OR52N1: variants seen among roughly 807,000 people sequenced by gnomAD.
OR52N1 encodes olfactory receptor 52N1.
In OR52N1, 11 loss-of-function variants were observed where a neutral mutation model predicts 13.9. The ratio of observed to expected loss-of-function variants is 0.79; its 90% CI spans 0.50 to 1.31. OR52N1 has a LOEUF of 1.31. Among genes scored for constraint, OR52N1 ranks in the 40% most tolerant of loss-of-function variants. OR52N1 has a pLI of 0.00. For missense variants in OR52N1, 414 were observed against 397.7 expected, an observed-to-expected ratio of 1.04 and a Z score of -0.35; for synonymous variants, 142 against 143.7, an observed-to-expected ratio of 0.99 and a Z score of 0.08.
At chr11:5,788,942 T>G (rs948101053) in intron 1 of OR52N1, 82 bp from the exon 2 acceptor site, 16 of 1,017,522 alleles carry the variant, frequency 1.6e-5, no homozygotes, top group Non-Finnish European at 2.3e-5. Context: ...CTATTTTGTT[T>G]TCCTTGTAGA....
At position 5,788,363 on chromosome 11, in the gene OR52N1, G is replaced by C; in HGVS notation, c.454C>G (p.Leu152Val). 6.2e-7 allele frequency: 1 copy of C among 1,613,966 alleles called. No individual in the cohort carries two copies. The highest frequency in any genetic ancestry group is 8.5e-7 in the Non-Finnish European group (1 of 1,179,970). ...VIAKAGFLTF[L>V]RGVMLVIPST... ...GGGATAACAAGCATCACACCCCTAA[G>C]AAAAGTGAGGAACCCAGCTTTAGCA... Residue 152 changes from leucine to valine, a missense_variant, in exon 2 of 2, where the codon CTT (leucine) becomes GTT (valine). Physicochemically the swap from Leu to Val is conservative, Grantham distance 32. Transcript: ENST00000641645.
chr11:5,788,783 C>T lies in OR52N1; in HGVS notation c.34G>A (p.Ala12Thr). Residue 12 changes from alanine to threonine, a missense_variant, in exon 2 of 2, where the codon GCT becomes ACT. Coordinates refer to ENST00000641645, the MANE Select transcript of OR52N1 (RefSeq NM_001001913.2). ...GGGATGCCATTTAGGATGAATGAAG[C>T]TGGAGTTAGGCTGGTGCCATTTAGA... ...SFLNGTSLTP[A>T]SFILNGIPGL... The T allele has an allele frequency of 6.2e-7, 1 of 1,607,756 alleles. No individual in the cohort carries two copies. Among genetic ancestry groups the T allele is most frequent in the Non-Finnish European group, 8.5e-7 (1 of 1,179,584 alleles).
rs749468499 is a variant in OR52N1, at chr11:5,788,261, C to A, written c.556G>T (p.Val186Leu). 2.6e-5 allele frequency: 42 copies of A among 1,613,960 alleles called. No individual in the cohort carries two copies. The highest frequency in any genetic ancestry group is 3.4e-5 in the Non-Finnish European group (40 of 1,180,010). Reference sequence around the variant, plus strand: ...ACATTACCACAAGATATCTTGGCCACAGACATGTGGTCACAGTAGGTGTGG... The same window carrying A: ...ACATTACCACAAGATATCTTGGCCAAAGACATGTGGTCACAGTAGGTGTGG... ...IPHTYCDHMS[V>L]AKISCGNVRV... Residue 186 changes from valine (V) to leucine (L), a missense_variant, in exon 2 of 2, where the codon GTG becomes TTG. Coordinates refer to ENST00000641645, the MANE Select transcript of OR52N1 (RefSeq NM_001001913.2).
At chr11:5,789,006 G>A in intron 1 of OR52N1, 146 bp from the exon 2 acceptor site, 1 of 647,678 alleles carries the variant, frequency 1.5e-6, no homozygotes, top group Non-Finnish European at 2.6e-6. Context: ...ACACTGTCTG[G>A]GTGTGTGCCT....
rs764704251 is a variant in OR52N1 at position 5,788,294 on chromosome 11, C to T, written c.523G>A (p.Val175Ile). The T allele has an allele frequency of 1.1e-5, 18 of 1,613,880 alleles. No homozygotes were observed. Among genetic ancestry groups the T allele is most frequent in the Admixed American group, 6.7e-5 (4 of 59,960 alleles). Residue 175 changes from valine (V) to isoleucine (I), a missense_variant, in exon 2 of 2, where the codon GTC (valine) becomes ATC (isoleucine). Transcript: ENST00000641645. The stretch of plus-strand genomic sequence containing the variant: ...TGGTCACAGTAGGTGTGGGGTATGA[C>T]GTTGCCCTTGCAGTATGGAAGGCGC... ...TKRLPYCKGN[V>I]IPHTYCDHMS...
In OR52N1 at chr11:5,788,686, T is replaced by C; in HGVS notation, c.131A>G (p.Asn44Ser). ...GTAGATGAGGTACATAAGGCCGAAG[T>C]TCCCTGTAATAGCAATGCTGTACAT... is the stretch of plus-strand genomic sequence containing the variant. ...CTMYSIAITG[N>S]FGLMYLIYCD... The change falls in exon 2 of 2, where the codon AAC (asparagine) becomes AGC (serine). Residue 44 changes from asparagine (N) to serine (S), a missense_variant. Coordinates refer to ENST00000641645, the MANE Select transcript of OR52N1 (RefSeq NM_001001913.2). 1.2e-6 allele frequency: 2 copies of C among 1,613,940 alleles called. No homozygotes were observed. Among genetic ancestry groups the C allele is most frequent in the Non-Finnish European group, 1.7e-6 (2 of 1,179,926 alleles).
intron 1 of OR52N1, among the ~76,000 whole-genome samples, chr11:5,789,629 G>C (rs556496589): frequency 5.3e-5 from 8 of 152,022 alleles, no homozygotes; most frequent in Non-Finnish European, 1.2e-4. Context: ...AAAATAAATT[G>C]ACATTCCCTT....
chr11:5,788,784 T>C lies in OR52N1; in HGVS notation c.33A>G (p.Pro11=), dbSNP rs781051558. The C allele has an allele frequency of 8.1e-6, 13 of 1,607,814 alleles. No homozygotes were observed. The highest frequency in any genetic ancestry group is 4.4e-5 in the South Asian group (4 of 91,050). Residue 11 remains proline (P), a synonymous_variant, in exon 2 of 2, where the codon CCA becomes CCG. Coordinates refer to ENST00000641645, the MANE Select transcript of OR52N1 (RefSeq NM_001001913.2). Reference sequence around the variant, plus strand: ...GGATGCCATTTAGGATGAATGAAGCTGGAGTTAGGCTGGTGCCATTTAGAA... The same window carrying C: ...GGATGCCATTTAGGATGAATGAAGCCGGAGTTAGGCTGGTGCCATTTAGAA... MSFLNGTSLT[P]ASFILNGIPG...
At position 5,787,277 on chromosome 11, in the gene OR52N1, T is replaced by C. The variant is rs1854602935; in HGVS notation, c.*577A>G. ...TGAATAGACCACAATTATTTATTTA[T>C]GTTGTCTAATGTTGATGGACATTGG... On this transcript the variant is annotated 3_prime_UTR_variant, in exon 2 of 2. Coordinates refer to ENST00000641645, the MANE Select transcript of OR52N1 (RefSeq NM_001001913.2). The C allele has an allele frequency of 1.4e-5, 2 of 140,968 alleles. 1 individual carries two copies. Among genetic ancestry groups the C allele is most frequent in the Non-Finnish European group, 3.1e-5 (2 of 63,898 alleles). 8.7% of individuals were successfully genotyped at this position (140,968 alleles called of 1,614,324 possible). A position where few individuals can be genotyped will look rare whatever the true frequency, so the allele number is the denominator to read the frequency against.
rs1437606791 is a variant in OR52N1, at chr11:5,791,242, G to A, written c.-176C>T. The A allele has an allele frequency of 6.6e-6, 1 of 151,938 alleles. No homozygotes were observed. Among genetic ancestry groups the A allele is most frequent in the Non-Finnish European group, 1.5e-5 (1 of 67,870 alleles). The allele number at this position is 151,938 out of a possible 1,614,324, so 9.4% of individuals were successfully genotyped here. A position where few individuals can be genotyped will look rare whatever the true frequency, so the allele number is the denominator to read the frequency against. ...ACATTGAGACCTTGGGAGGCAAGTG[G>A]AGGAGGGAACATTTCTATTATCTGT... On this transcript the variant is annotated 5_prime_UTR_variant, in exon 1 of 2. Coordinates refer to ENST00000641645, the MANE Select transcript of OR52N1 (RefSeq NM_001001913.2).
At chr11:5,790,449 G>A (rs1854645318) in intron 1 of OR52N1, among the ~76,000 whole-genome samples, 1 of 152,004 alleles carries the variant, frequency 6.6e-6, no homozygotes, top group East Asian at 1.9e-4. Flanking sequence ...AGCTTTCACA[G>A]CCAGAGGGAA....
intron 1 of OR52N1, 54 bp downstream of exon 1, chr11:5,791,057 C>G (rs1166131177): frequency 6.6e-6 from 1 of 152,068 alleles, no homozygotes; most frequent in Non-Finnish European, 1.5e-5. Flanking sequence ...CCAAATCCTG[C>G]ACATGTAAGC....
In OR52N1 at chr11:5,788,295, G is replaced by T; in HGVS notation, c.522C>A (p.Asn174Lys). 1 of 1,614,020 alleles carries T rather than the reference G, an allele frequency of 6.2e-7. No individual in the cohort carries two copies. Among genetic ancestry groups the T allele is most frequent in the Admixed American group, 1.7e-5 (1 of 59,984 alleles). ...GGTCACAGTAGGTGTGGGGTATGAC[G>T]TTGCCCTTGCAGTATGGAAGGCGCT... The part of the protein sequence containing the change: ...LTKRLPYCKG[N>K]VIPHTYCDHM... The change falls in exon 2 of 2, where the codon AAC becomes AAA. Residue 174 changes from asparagine (N) to lysine (K), a missense_variant. By Grantham distance (94) the Asn-to-Lys change is moderately conservative (BLOSUM62 0). Coordinates refer to ENST00000641645, the MANE Select transcript of OR52N1 (RefSeq NM_001001913.2).
At position 5,788,635 on chromosome 11, in the gene OR52N1, A is replaced by G. The variant is rs748512030; in HGVS notation, c.182T>C (p.Met61Thr). 9.3e-6 allele frequency: 15 copies of G among 1,614,092 alleles called. No homozygotes were observed. The East Asian group carries it at 3.1e-4, about 34-fold the overall frequency. The stretch of plus-strand genomic sequence containing the variant: ...GGAAAGAAGGGCAAGGAAGACATAC[A>G]TAGGTCTGTGTAAGGCCTCATCACA... ...IYCDEALHRP[M>T]YVFLALLSFT... The change falls in exon 2 of 2, where the codon ATG (methionine) becomes ACG (threonine). Residue 61 changes from methionine (M) to threonine (T), a missense_variant. Coordinates refer to ENST00000641645, the MANE Select transcript of OR52N1 (RefSeq NM_001001913.2).
intron 1 of OR52N1, among the ~76,000 whole-genome samples, chr11:5,789,188 T>C (rs531339818): frequency 7.7e-4 from 118 of 152,316 alleles, no homozygotes; most frequent in Non-Finnish European, 1.2e-3. Context: ...GTGCTCACCA[T>C]CTTAGAGATC....
In OR52N1 at chr11:5,788,591, A is replaced by C. The variant is rs1056532818; in HGVS notation, c.226T>G (p.Cys76Gly). The C allele has an allele frequency of 5.6e-6, 9 of 1,613,866 alleles. No homozygotes were observed. The highest frequency in any genetic ancestry group is 7.6e-6 in the Non-Finnish European group (9 of 1,179,902). The part of the protein sequence containing the change: ...ALLSFTDVLM[C>G]TSTLPNTLFI... ...AGAGTGTTGGGAAGGGTGCTGGTGC[A>C]CATGAGCACATCTGTGAAGGAAAGA... The change falls in exon 2 of 2, where the codon TGC becomes GGC. Residue 76 changes from cysteine to glycine, a missense_variant. Cys to Gly is a radical substitution (Grantham distance 159). Transcript: ENST00000641645.
At chr11:5,791,000 C>A (rs1253499229) in intron 1 of OR52N1, 111 bp downstream of exon 1, 1 of 152,034 alleles carries the variant, frequency 6.6e-6, no homozygotes, top group African/African-American at 2.4e-5. Context: ...ATGAAATAAT[C>A]TGTACAACAA....
Position 5,788,074 on chromosome 11 carries a change from C to T in OR52N1, c.743G>A (p.Cys248Tyr). 1 of 1,613,718 alleles carries T rather than the reference C, an allele frequency of 6.2e-7. No homozygotes were observed. Among genetic ancestry groups the T allele is most frequent in the Non-Finnish European group, 8.5e-7 (1 of 1,179,794 alleles). The change falls in exon 2 of 2, where the codon TGT (cysteine) becomes TAT (tyrosine). Residue 248 changes from cysteine (C) to tyrosine (Y), a missense_variant. Cys to Tyr is a radical substitution (Grantham distance 194). Transcript: ENST00000641645. ...KAFSTCTAHF[C>Y]AIVLTYVPAF... ...TGGAACATAGGTGAGGACTATGGCA[C>T]AGAAGTGGGCAGTGCAGGTGCTGAA...
rs1165865623 is a variant in OR52N1 at position 5,786,789 on chromosome 11, T to C, written c.*1065A>G. 17 of 139,354 alleles carry C rather than the reference T, an allele frequency of 1.2e-4. 4 individuals carry two copies. Among genetic ancestry groups the C allele is most frequent in the Admixed American group, 1.2e-3 (16 of 13,480 alleles). 8.6% of individuals were successfully genotyped at this position (139,354 alleles called of 1,614,324 possible). A position where few individuals can be genotyped will look rare whatever the true frequency, so the allele number is the denominator to read the frequency against. On this transcript the variant is annotated 3_prime_UTR_variant, in exon 2 of 2. Coordinates refer to ENST00000641645, the MANE Select transcript of OR52N1 (RefSeq NM_001001913.2). ...TCAAAAGGAAAGTTTAATTTTTTTA[T>C]GATGATGTTGTCTTTGTTGTTTTAT...
Sources: allele counts gnomAD v4.1 joint callset (sites outside exome capture counted in the v4.1 genomes callset), GRCh38; gene constraint gnomAD v4.1.1; transcripts MANE v1.5; gene names NCBI Gene and HGNC (gene_info 2026-07-23, HGNC 2026-07-21).